The following WASF3 variants were observed in gnomAD, a reference collection of about 807,000 sequenced individuals.
WASF3 encodes the protein WASP family member 3.
In WASF3, 11 loss-of-function variants were observed where a neutral mutation model predicts 46.6. The observed-to-expected ratio is 0.24, with a 90% CI of 0.15 to 0.39. The LOEUF is 0.39. WASF3 is among the 10% of genes least tolerant of loss of function. The pLI, the probability that WASF3 is intolerant of heterozygous loss-of-function variation, is 1.00. For missense variants in WASF3, 576 were observed against 669.8 expected, an observed-to-expected ratio of 0.86 and a Z score of 1.55; for synonymous variants, 242 against 259.7, an observed-to-expected ratio of 0.93 and a Z score of 0.65.
At chr13:26,648,683 G>C (rs942129565) in intron 3 of WASF3, among the ~76,000 whole-genome samples, 8 of 152,132 alleles carry the variant, frequency 5.3e-5, no homozygotes, top group Non-Finnish European at 8.8e-5. Flanking sequence ...TGACTGGGAG[G>C]AACACAGCAA....
chr13:26,604,827 T>G (rs1366219962), intron 1 of WASF3, among the ~76,000 whole-genome samples: 1 of 152,236 alleles, frequency 6.6e-6, no homozygotes, highest in African/African-American at 2.4e-5. Context: ...TGGAAGCCAC[T>G]GTTTTTGTAA....
chr13:26,642,917 T>C (rs1475095326), intron 3 of WASF3, among the ~76,000 whole-genome samples: 2 of 152,214 alleles, frequency 1.3e-5, no homozygotes, highest in Non-Finnish European at 2.9e-5. Context: ...TACTAAAAGT[T>C]AAAATGCAGA....
chr13:26,552,578 T>C, the WASF3 span, among the ~76,000 whole-genome samples: 1 of 152,230 alleles, frequency 6.6e-6, no homozygotes, highest in Non-Finnish European at 1.5e-5. Flanking sequence ...GGAGCTAAAT[T>C]AATTCTTGAG....
chr13:26,567,665 A>G (rs976529599), intron 1 of WASF3, among the ~76,000 whole-genome samples: 3 of 150,824 alleles, frequency 2.0e-5, no homozygotes, highest in Admixed American at 6.6e-5. Flanking sequence ...TGGGGCTCAC[A>G]TTGTAGTAGG....
At position 26,678,628 on chromosome 13, in the gene WASF3, A is replaced by G. The variant is rs1253717723; in HGVS notation, c.716+1904A>G. Among the ~76,000 whole-genome samples, 4 of 152,112 alleles carry G rather than the reference A, an allele frequency of 2.6e-5. No homozygotes were observed. The East Asian group carries it at 7.7e-4, about 29-fold the overall frequency. On this transcript the variant is annotated intron_variant, in intron 7 of 9. Transcript: ENST00000335327. ...TGGTGTGTGTATATGCTATTATATAAGTAATATACCGTAACCCATCTTACA... is the reference window on the plus strand; with the variant it reads ...TGGTGTGTGTATATGCTATTATATAGGTAATATACCGTAACCCATCTTACA...
chr13:26,603,299 C>T (rs1880696825), intron 1 of WASF3, among the ~76,000 whole-genome samples: 1 of 152,130 alleles, frequency 6.6e-6, no homozygotes, highest in South Asian at 2.1e-4. Flanking sequence ...TTTCAGAGAG[C>T]AAGGTGAGGC....
chr13:26,683,100 G>C, intron 9 of WASF3, 126 bp downstream of exon 9: 1 of 1,330,184 alleles, frequency 7.5e-7, no homozygotes. Flanking sequence ...AGTTAAAGGG[G>C]TCTTACTTGA....
chr13:26,545,616 T>C, the WASF3 span, among the ~76,000 whole-genome samples: 1 of 152,194 alleles, frequency 6.6e-6, no homozygotes, highest in Non-Finnish European at 1.5e-5. Context: ...ATGTATTTAA[T>C]TTTTTTAGAG....
intron 6 of WASF3, among the ~76,000 whole-genome samples, chr13:26,673,718 T>C (rs1882984096): frequency 6.6e-6 from 1 of 152,230 alleles, no homozygotes; most frequent in South Asian, 2.1e-4. Flanking sequence ...TCTCCTTTAG[T>C]TTAATGCTTT....
At chr13:26,567,970 A>T (rs1273510849) in intron 1 of WASF3, among the ~76,000 whole-genome samples, 1 of 152,026 alleles carries the variant, frequency 6.6e-6, no homozygotes, top group Non-Finnish European at 1.5e-5. Flanking sequence ...AGCTAGGCAA[A>T]TATTTTGGGA....
intron 7 of WASF3, among the ~76,000 whole-genome samples, chr13:26,677,232 G>A (rs977529623): frequency 6.6e-6 from 1 of 152,166 alleles, no homozygotes. Flanking sequence ...GATTTCAGGA[G>A]AAGAATTCTA....
chr13:26,608,322 A>G (rs939151137), intron 1 of WASF3, among the ~76,000 whole-genome samples: 2 of 152,192 alleles, frequency 1.3e-5, no homozygotes, highest in African/African-American at 2.4e-5. Context: ...TTTTGAGTGA[A>G]TAAAGTACTC....
chr13:26,585,066 T>TA, intron 1 of WASF3, among the ~76,000 whole-genome samples: 1 of 147,464 alleles, frequency 6.8e-6, no homozygotes, highest in Admixed American at 6.9e-5. Context: ...TCCCAAGCAA[T>TA]ACTGTGGAAT....
the WASF3 span, among the ~76,000 whole-genome samples, chr13:26,540,536 G>C: frequency 2.0e-5 from 3 of 152,148 alleles, no homozygotes; most frequent in Non-Finnish European, 4.4e-5. Flanking sequence ...CATATACCAT[G>C]CTCTGCTCGT....
intron 2 of WASF3, among the ~76,000 whole-genome samples, chr13:26,622,289 A>G (rs1229285925): frequency 3.3e-5 from 5 of 152,174 alleles, no homozygotes; most frequent in African/African-American, 1.2e-4. Flanking sequence ...ATAGTGGAGA[A>G]AGAAATCCAC....
In WASF3 at chr13:26,660,194, G is replaced by GTTTTTTTTTTTTTTTTTTTTTTTTT. The variant is rs71080285; in HGVS notation, c.134-4823_134-4799dup. On this transcript the variant is annotated intron_variant, in intron 3 of 9. Coordinates refer to ENST00000335327, the MANE Select transcript of WASF3 (RefSeq NM_006646.6). The stretch of plus-strand genomic sequence containing the variant: ...GTAATTAGCTTTTGTTTTTTGTTTG[G>GTTTTTTTTTTTTTTTTTTTTTTTTT]TTTTTTTTTTTTTTTTTTTTTTTTT... 4.6e-5 allele frequency among the ~76,000 whole-genome samples: 2 copies of GTTTTTTTTTTTTTTTTTTTTTTTTT among 43,362 alleles called. 1 individual carries two copies. Among genetic ancestry groups the GTTTTTTTTTTTTTTTTTTTTTTTTT allele is most frequent in the African/African-American group, 1.5e-4 (2 of 13,436 alleles). 28.4% of individuals were successfully genotyped at this position (43,362 alleles called of 152,430 possible).
intron 4 of WASF3, among the ~76,000 whole-genome samples, chr13:26,666,577 G>C: frequency 6.6e-6 from 1 of 152,146 alleles, no homozygotes; most frequent in East Asian, 1.9e-4. Context: ...TAATAGCCTA[G>C]TCTGTCCACC....
intron 1 of WASF3, among the ~76,000 whole-genome samples, chr13:26,600,453 A>G (rs1237374307): frequency 6.6e-6 from 1 of 152,242 alleles, no homozygotes; most frequent in African/African-American, 2.4e-5. Flanking sequence ...TGTAAAGCAG[A>G]GTTCTGGCTC....
chr13:26,645,010 G>A (rs1207436664), intron 3 of WASF3, among the ~76,000 whole-genome samples: 1 of 152,150 alleles, frequency 6.6e-6, no homozygotes, highest in Non-Finnish European at 1.5e-5. Context: ...AACCCAAAGA[G>A]CATTACAGAA....
Sources: allele counts gnomAD v4.1 joint callset (sites outside exome capture counted in the v4.1 genomes callset), GRCh38; gene constraint gnomAD v4.1.1; transcripts MANE v1.5; gene names NCBI Gene and HGNC (gene_info 2026-07-23, HGNC 2026-07-21).